PIK3C2A: variants seen among roughly 807,000 people sequenced by gnomAD.
The protein encoded by PIK3C2A is phosphatidylinositol-4-phosphate 3-kinase catalytic subunit type 2 alpha.
A neutral mutation model predicts 204.5 loss-of-function variants in PIK3C2A; 97 were observed. That is an observed-to-expected ratio of 0.47 (90% CI 0.40 to 0.56). The LOEUF is 0.56. PIK3C2A is among the 20% of genes least tolerant of loss of function. The pLI, the probability that PIK3C2A is intolerant of heterozygous loss-of-function variation, is 0.00. For synonymous variants in PIK3C2A, 653 were observed against 664.4 expected (o/e 0.98, Z 0.26); for missense variants, 1,735 against 1,969.2 (o/e 0.88, Z 2.25).
chr11:17,193,412 C>T, intron 1 of PIK3C2A: 1 of 276,632 alleles, frequency 3.6e-6, no homozygotes, highest in South Asian at 3.4e-5. Flanking sequence ...AAGGTATTAA[C>T]AGAAATTCAA....
In PIK3C2A at chr11:17,131,939, G is replaced by T. The variant is rs1227525653; in HGVS notation, c.2208C>A (p.Phe736Leu). 1 of 1,600,626 alleles carries T rather than the reference G, an allele frequency of 6.2e-7. No homozygotes were observed. Among genetic ancestry groups the T allele is most frequent in the Non-Finnish European group, 8.5e-7 (1 of 1,173,470 alleles). ...SKKVGTYKNF[F>L]YLIKWDELII... ...ACAGTTCATCCCATTTAATAAGATA[G>T]AAGAAATTCTTGTAAGTGCCAACCT... Residue 736 changes from phenylalanine (F) to leucine (L), a missense_variant, in exon 12 of 33, where the codon TTC becomes TTA. Phe to Leu is a conservative substitution (Grantham distance 22, BLOSUM62 0). Transcript: ENST00000691414.
intron 1 of PIK3C2A, among the ~76,000 whole-genome samples, chr11:17,184,974 T>A (rs1293217364): frequency 2.0e-5 from 3 of 151,506 alleles, no homozygotes; most frequent in Non-Finnish European, 4.4e-5. Flanking sequence ...AAGAAAAAAA[T>A]ATATATTTTT....
chr11:17,119,949 A>G lies in PIK3C2A; in HGVS notation c.2683T>C (p.Leu895=). 6.3e-7 allele frequency: 1 copy of G among 1,588,300 alleles called. No individual in the cohort carries two copies. Among genetic ancestry groups the G allele is most frequent in the South Asian group, 1.1e-5 (1 of 88,770 alleles). The change falls in exon 16 of 33, where the codon TTA becomes CTA. Residue 895 remains leucine, a synonymous_variant. Coordinates refer to ENST00000691414, the MANE Select transcript of PIK3C2A (RefSeq NM_002645.4). ...AAGCAATAATAACGTTTCTCCCATA[A>G]AAAAGCTTTATCTTCTTTAGAAAGT... The part of the protein sequence containing the change: ...LGLSKEDKAF[L]WEKRYYCFKH...
intron 1 of PIK3C2A, among the ~76,000 whole-genome samples, chr11:17,187,345 A>G (rs1851786541): frequency 6.6e-6 from 1 of 152,166 alleles, no homozygotes; most frequent in Admixed American, 6.5e-5. Flanking sequence ...TAAAACACTA[A>G]ATCTAAGAAC....
chr11:17,197,396 A>G (rs1334203568), intron 1 of PIK3C2A, among the ~76,000 whole-genome samples: 2 of 152,096 alleles, frequency 1.3e-5, no homozygotes, highest in Non-Finnish European at 2.9e-5. Flanking sequence ...GCACATTAAT[A>G]AAGGCCTTAA....
intron 13 of PIK3C2A, among the ~76,000 whole-genome samples, chr11:17,125,662 G>A (rs1251240432): frequency 2.0e-5 from 3 of 151,946 alleles, no homozygotes; most frequent in African/African-American, 4.8e-5. Flanking sequence ...CTATAGGCAC[G>A]AGCCACCATA....
chr11:17,185,850 C>T (rs1251277490), intron 1 of PIK3C2A, among the ~76,000 whole-genome samples: 2 of 152,160 alleles, frequency 1.3e-5, no homozygotes, highest in African/African-American at 4.8e-5. Context: ...TTCCCTGCTA[C>T]ATTTATAACC....
Position 17,089,339 on chromosome 11 carries a change from A to G in PIK3C2A, c.*399T>C, listed in dbSNP as rs1390307302. 2 of 154,836 alleles carry G rather than the reference A, an allele frequency of 1.3e-5. No homozygotes were observed. Among genetic ancestry groups the G allele is most frequent in the Non-Finnish European group, 2.9e-5 (2 of 69,934 alleles). The allele number at this position is 154,836 out of a possible 1,614,324, so 9.6% of individuals were successfully genotyped here. A position where few individuals can be genotyped will look rare whatever the true frequency, so the allele number is the denominator to read the frequency against. On this transcript the variant is annotated 3_prime_UTR_variant, in exon 33 of 33. Transcript: ENST00000691414. ...TTCCTTTACTTTGGTGTTTGTGAAC[A>G]TTACACAGTGGTAAAGGCTATAAAA...
At chr11:17,091,052 A>T (rs578003296) in intron 32 of PIK3C2A, among the ~76,000 whole-genome samples, 2 of 152,096 alleles carry the variant, frequency 1.3e-5, no homozygotes, top group South Asian at 4.2e-4. Context: ...TGGCCTTAAA[A>T]TGTTTTAAAA....
chr11:17,162,320 G>A (rs58493956), intron 2 of PIK3C2A, among the ~76,000 whole-genome samples: 5,346 of 148,028 alleles, frequency 0.036, 328 homozygotes, highest in African/African-American at 0.13. Flanking sequence ...CAGCCTGGGC[G>A]ACAGAGTGAG....
intron 22 of PIK3C2A, among the ~76,000 whole-genome samples, chr11:17,106,640 C>T (rs1380651879): frequency 6.6e-6 from 1 of 152,092 alleles, no homozygotes; most frequent in Non-Finnish European, 1.5e-5. Flanking sequence ...CAGGGTTTCA[C>T]CATGTTGGCC....
chr11:17,116,967 G>T (rs930419830), intron 19 of PIK3C2A, among the ~76,000 whole-genome samples: 1 of 152,134 alleles, frequency 6.6e-6, no homozygotes, highest in African/African-American at 2.4e-5. Context: ...ACCAAATGTG[G>T]TATATCCACA....
chr11:17,165,797 A>G (rs1244461432), intron 2 of PIK3C2A, among the ~76,000 whole-genome samples: 19 of 150,654 alleles, frequency 1.3e-4, no homozygotes, highest in South Asian at 2.1e-4. Flanking sequence ...AAAAAAAAAA[A>G]AAAAAAAAAA....
chr11:17,155,719 A>G (rs1850569691), intron 2 of PIK3C2A, 90 bp from the exon 3 acceptor site: 2 of 670,380 alleles, frequency 3.0e-6, no homozygotes, highest in Non-Finnish European at 2.7e-6. Flanking sequence ...TTATGAAAAT[A>G]TGTACAAAGC....
Position 17,089,917 on chromosome 11 carries a change from C to G in PIK3C2A, c.4882G>C (p.Val1628Leu), listed in dbSNP as rs188004065. 6.5e-7 allele frequency: 1 copy of G among 1,545,200 alleles called. No individual in the cohort carries two copies. Among genetic ancestry groups the G allele is most frequent in the East Asian group, 2.3e-5 (1 of 43,622 alleles). ...GTTTCTTTGCTATATCCACTGTATA[C>G]AAGCTACAACAAAGGAAAAAAGAAC... ...TRNPTFNEML[V>L]YSGYSKETLR... Residue 1628 changes from valine (V) to leucine (L), a missense_variant, in exon 33 of 33, where the codon GTA (valine) becomes CTA (leucine). By Grantham distance (32) the Val-to-Leu change is conservative (BLOSUM62 1). Transcript: ENST00000691414.
chr11:17,111,609 G>A (rs896500264), intron 21 of PIK3C2A, among the ~76,000 whole-genome samples: 1 of 152,102 alleles, frequency 6.6e-6, no homozygotes, highest in African/African-American at 2.4e-5. Context: ...GGGCATGGTG[G>A]CTAACGCCTG....
chr11:17,148,653 T>C lies in PIK3C2A; in HGVS notation c.1448+14A>G, dbSNP rs1850329372. 1 of 1,610,490 alleles carries C rather than the reference T, an allele frequency of 6.2e-7. No homozygotes were observed. ...AATTTCCAAGGATGTTGCTCAGTAG[T>C]TAAATAAACTTACTTCTGCAGCACT... On this transcript the variant is annotated intron_variant, in intron 5 of 32. Coordinates refer to ENST00000691414, the MANE Select transcript of PIK3C2A (RefSeq NM_002645.4).
chr11:17,095,501 G>A (rs887712330), intron 27 of PIK3C2A, among the ~76,000 whole-genome samples: 10 of 151,346 alleles, frequency 6.6e-5, no homozygotes, highest in African/African-American at 1.9e-4. Context: ...TGAGGCAGGA[G>A]AATGGCGTGA....
Position 17,131,948 on chromosome 11 carries a change from C to G in PIK3C2A, c.2199G>C (p.Lys733Asn), listed in dbSNP as rs1327949377. The G allele has an allele frequency of 5.0e-6, 8 of 1,598,792 alleles. No homozygotes were observed. The highest frequency in any genetic ancestry group is 3.4e-6 in the Non-Finnish European group (4 of 1,171,670). Residue 733 changes from lysine to asparagine, a missense_variant, in exon 12 of 33, where the codon AAG becomes AAC. Around this residue, in one of 6 missense-constraint regions of PIK3C2A, gnomAD observed 567 missense variants for 576.0 expected, o/e 0.98. Transcript: ENST00000691414. ...CCCATTTAATAAGATAGAAGAAATT[C>G]TTGTAAGTGCCAACCTTCTTTGATT... ...PIQSKKVGTY[K>N]NFFYLIKWDE...
Sources: gnomAD v4.1 joint callset for allele counts (sites outside exome capture counted in the v4.1 genomes callset) on GRCh38, gnomAD v4.1.1 for gene constraint, gnomAD v4.1.1 regional missense constraint, MANE v1.5 for transcripts, NCBI Gene and HGNC (gene_info 2026-07-23, HGNC 2026-07-21) for gene names.